The following DOCK5 variants were observed in gnomAD, a reference collection of about 807,000 sequenced individuals.
The protein encoded by DOCK5 is dedicator of cytokinesis protein 5.
Under a neutral mutation model 251.8 loss-of-function variants are expected in DOCK5, and 142 were observed. That is an observed-to-expected ratio of 0.56 (90% confidence interval 0.49 to 0.65). The LOEUF (loss-of-function observed/expected upper bound fraction) is 0.65. DOCK5 is among the 30% of genes least tolerant of loss of function. The probability of loss-of-function intolerance (pLI) is 0.00; values close to 1 mark genes in which losing one functional copy is unlikely to be tolerated. For missense variants in DOCK5, 2,111 were observed against 2,312.3 expected (o/e 0.91, Z 1.79); for synonymous variants, 842 against 835.5 (o/e 1.01, Z -0.13).
intron 2 of DOCK5, among the ~76,000 whole-genome samples, chr8:25,244,054 G>A (rs1217625429): frequency 3.3e-5 from 5 of 152,210 alleles, no homozygotes; most frequent in African/African-American, 9.6e-5. Flanking sequence ...GCTGGCTCGC[G>A]AGGAGACACT....
intron 1 of DOCK5, among the ~76,000 whole-genome samples, chr8:25,189,590 G>C (rs549609543): frequency 6.6e-6 from 1 of 152,004 alleles, no homozygotes; most frequent in South Asian, 2.1e-4. Context: ...GGAACTCCTA[G>C]GCTCAAGCAG....
intron 2 of DOCK5, among the ~76,000 whole-genome samples, chr8:25,267,543 G>A (rs1803789373): frequency 6.6e-6 from 1 of 152,164 alleles, no homozygotes; most frequent in Non-Finnish European, 1.5e-5. Flanking sequence ...ATTGGCAGAT[G>A]CCAGAAGTTT....
intron 2 of DOCK5, among the ~76,000 whole-genome samples, chr8:25,256,950 G>A (rs919197043): frequency 5.3e-5 from 8 of 151,638 alleles, no homozygotes; most frequent in African/African-American, 1.9e-4. Flanking sequence ...TCTTGGAGTA[G>A]GGAAGTTATG....
chr8:25,197,749 A>T (rs1801769292), intron 1 of DOCK5, among the ~76,000 whole-genome samples: 1 of 50,336 alleles, frequency 2.0e-5, no homozygotes, highest in Non-Finnish European at 6.4e-5. Flanking sequence ...ATGCCAAGCT[A>T]ATTTTTTTTT....
intron 5 of DOCK5, among the ~76,000 whole-genome samples, chr8:25,291,587 G>T (rs1804487943): frequency 6.6e-6 from 1 of 151,142 alleles, no homozygotes; most frequent in Non-Finnish European, 1.5e-5. Flanking sequence ...GGAGGCTGAG[G>T]CAGGAGAATC....
intron 13 of DOCK5, 103 bp downstream of exon 13, chr8:25,310,635 A>G: frequency 7.2e-7 from 1 of 1,381,144 alleles, no homozygotes; most frequent in Non-Finnish European, 9.6e-7. Flanking sequence ...GGTTATTTAC[A>G]TTCATTGGTC....
chr8:25,249,854 A>G (rs751704028), intron 2 of DOCK5, among the ~76,000 whole-genome samples: 2 of 152,232 alleles, frequency 1.3e-5, no homozygotes, highest in African/African-American at 4.8e-5. Context: ...CCAAGGGCCA[A>G]GTGTCCCAGT....
rs1375965504 is a variant in DOCK5, at chr8:25,278,593, C to T, written c.249C>T (p.Gly83=). The change falls in exon 5 of 52, where the codon GGC becomes GGT. Residue 83 remains glycine (G), a synonymous_variant. Transcript: ENST00000276440. ...GGCAGCATGAAACCGTGATTCCTGG[C>T]GAGCTCCCCCTGGTGCAGGAGCTCA... ...DLGQHETVIP[G]ELPLVQELTS... 17 of 1,613,828 alleles carry T rather than the reference C, an allele frequency of 1.1e-5. No homozygotes were observed. The highest frequency in any genetic ancestry group is 4.0e-5 in the African/African-American group (3 of 74,916).
rs568510254 is a variant in DOCK5 at position 25,359,170 on chromosome 8, C to T, written c.2949+109C>T. 1.2e-3 allele frequency: 1,019 copies of T among 880,280 alleles called. 19 individuals carry two copies. In the South Asian group the frequency reaches 0.014, roughly 12 times the overall value. 54.5% of individuals were successfully genotyped at this position (880,280 alleles called of 1,614,324 possible). On this transcript the variant is annotated intron_variant, in intron 28 of 51. Coordinates refer to ENST00000276440, the MANE Select transcript of DOCK5 (RefSeq NM_024940.8). ...CCAGGGTTCTCTTCCCACGCACCTCCGGTGCTATGTGGCTGTCCACAGTGA... is the reference window on the plus strand; with the variant it reads ...CCAGGGTTCTCTTCCCACGCACCTCTGGTGCTATGTGGCTGTCCACAGTGA...
At chr8:25,301,314 A>T (rs1804755355) in intron 9 of DOCK5, among the ~76,000 whole-genome samples, 1 of 152,152 alleles carries the variant, frequency 6.6e-6, no homozygotes, top group African/African-American at 2.4e-5. Flanking sequence ...TTATTTTTCC[A>T]TTAACAGAAG....
intron 28 of DOCK5, among the ~76,000 whole-genome samples, chr8:25,359,813 T>C (rs904990555): frequency 2.0e-5 from 3 of 152,278 alleles, no homozygotes; most frequent in Admixed American, 6.5e-5. Flanking sequence ...ACAATATTTG[T>C]AAGTTATCTT....
intron 11 of DOCK5, among the ~76,000 whole-genome samples, chr8:25,307,151 C>T (rs2956652): frequency 0.91 from 138,300 of 151,774 alleles, 63,099 homozygotes; most frequent in Middle Eastern, 0.98. Flanking sequence ...CGGAGATTTG[C>T]TCTTGTTGCC....
chr8:25,312,982 G>T (rs546011298), intron 13 of DOCK5, among the ~76,000 whole-genome samples: 7 of 152,056 alleles, frequency 4.6e-5, no homozygotes, highest in Non-Finnish European at 8.8e-5. Context: ...CTAGTATGTG[G>T]ATCAGCTAAT....
rs188129047 is a variant in DOCK5 at position 25,211,879 on chromosome 8, C to T, written c.43+26928C>T. 7.8e-4 allele frequency among the ~76,000 whole-genome samples: 52 copies of T among 66,720 alleles called. 22 individuals carry two copies. The highest frequency in any genetic ancestry group is 7.6e-3 in the Admixed American group (45 of 5,932). 43.8% of individuals were successfully genotyped at this position (66,720 alleles called of 152,430 possible). ...GCAGATTTTTTAGAAATACAGCTTC[C>T]GCCGGGCACGGTGGCTCATGCCTGT... On this transcript the variant is annotated intron_variant, in intron 1 of 51. Transcript: ENST00000276440.
At chr8:25,367,836 G>T (rs7840392) in intron 31 of DOCK5, among the ~76,000 whole-genome samples, 21 of 151,936 alleles carry the variant, frequency 1.4e-4, no homozygotes, top group Non-Finnish European at 1.9e-4. Context: ...CACCTGTTAG[G>T]CATTAGTCAC....
In DOCK5 at chr8:25,400,006, C is replaced by A; in HGVS notation, c.4788+12C>A. On this transcript the variant is annotated intron_variant, in intron 46 of 51. Coordinates refer to ENST00000276440, the MANE Select transcript of DOCK5 (RefSeq NM_024940.8). The stretch of plus-strand genomic sequence containing the variant: ...TAATAGCATTACAGGTACAGGACGG[C>A]TTTCCTCTACACTCCCAGGGAGGCC... The A allele has an allele frequency of 2.5e-6, 4 of 1,610,680 alleles. No individual in the cohort carries two copies. The highest frequency in any genetic ancestry group is 3.4e-6 in the Non-Finnish European group (4 of 1,177,680).
intron 48 of DOCK5, among the ~76,000 whole-genome samples, chr8:25,405,585 C>T (rs567477855): frequency 2.6e-5 from 4 of 151,818 alleles, no homozygotes; most frequent in African/African-American, 7.2e-5. Context: ...TTTTTATTTC[C>T]TAATATTCCT....
intron 28 of DOCK5, among the ~76,000 whole-genome samples, chr8:25,362,462 C>CTTTTTTTTTTTTTTTTTTTTT (rs869096662): frequency 1.8e-4 from 10 of 54,638 alleles, no homozygotes; most frequent in African/African-American, 2.3e-4. Context: ...CTTTTCTTTT[C>CTTTTTTTTTTTTTTTTTTTTT]TTTTTTTTTT....
Position 25,392,039 on chromosome 8 carries a change from C to T in DOCK5, c.4440+59C>T, listed in dbSNP as rs565030969. The stretch of plus-strand genomic sequence containing the variant: ...AATTAACGGGCTGAGCACGGTGGCT[C>T]ACGCCTGTAATCCCAGCATTCTGGG... On this transcript the variant is annotated intron_variant, in intron 43 of 51. Coordinates refer to ENST00000276440, the MANE Select transcript of DOCK5 (RefSeq NM_024940.8). 1.7e-3 allele frequency: 2,523 copies of T among 1,513,242 alleles called. 45 individuals are homozygous for T. In the South Asian group the frequency reaches 0.028, roughly 17 times the overall value. 93.7% of individuals were successfully genotyped at this position (1,513,242 alleles called of 1,614,324 possible). A position where few individuals can be genotyped will look rare whatever the true frequency, so the allele number is the denominator to read the frequency against.
Sources: allele counts gnomAD v4.1 joint callset (sites outside exome capture counted in the v4.1 genomes callset), GRCh38; gene constraint gnomAD v4.1.1; transcripts MANE v1.5; gene names NCBI Gene and HGNC (gene_info 2026-07-23, HGNC 2026-07-21).